The following RORA variants were observed in gnomAD, a reference collection of about 807,000 sequenced individuals.
The protein encoded by RORA is nuclear receptor ROR-alpha.
RORA carries 7 observed loss-of-function variants against 69.5 expected under a neutral mutation model. That is an observed-to-expected ratio of 0.10 (90% confidence interval 0.06 to 0.19). The LOEUF (loss-of-function observed/expected upper bound fraction) is 0.19. Ranked by LOEUF, RORA falls within the 10% of genes least tolerant of loss-of-function variation. RORA has a pLI of 1.00. For synonymous variants in RORA, 261 were observed against 240.8 expected, an observed-to-expected ratio of 1.08 and a Z score of -0.78; for missense variants, 457 against 663.0, an observed-to-expected ratio of 0.69 and a Z score of 3.41.
At chr15:61,115,447 C>T (rs758290394) in intron 1 of RORA, among the ~76,000 whole-genome samples, 1 of 152,180 alleles carries the variant, frequency 6.6e-6, no homozygotes, top group Non-Finnish European at 1.5e-5. Flanking sequence ...GGCCACAGCC[C>T]TGCTTCTTCT....
chr15:60,922,292 C>T (rs1600826), intron 1 of RORA, among the ~76,000 whole-genome samples: 91,352 of 151,870 alleles, frequency 0.6, 27,913 homozygotes, highest in East Asian at 0.87. Flanking sequence ...GAAGGCACAA[C>T]ACCAAGAGTG....
intron 1 of RORA, among the ~76,000 whole-genome samples, chr15:60,940,677 C>T (rs1243151845): frequency 1.3e-5 from 2 of 152,140 alleles, no homozygotes; most frequent in African/African-American, 4.8e-5. Context: ...CCTGTAATCC[C>T]AGCAGTTTGG....
intron 1 of RORA, among the ~76,000 whole-genome samples, chr15:60,834,294 G>C (rs76174258): frequency 0.1 from 15,458 of 152,166 alleles, 1,108 homozygotes; most frequent in Non-Finnish European, 0.15. Context: ...GGTTTTAAAA[G>C]CTAAATGACT....
rs1467537919 is a variant in RORA at position 60,515,953 on chromosome 15, A to T, written c.283-1196T>A. On this transcript the variant is annotated intron_variant, in intron 3 of 10. Coordinates refer to ENST00000335670, the MANE Select transcript of RORA (RefSeq NM_134261.3). The stretch of plus-strand genomic sequence containing the variant: ...TATATATATATTTATATATATTTAT[A>T]TATTTATATTTATATATATTTATAT... Among the ~76,000 whole-genome samples the T allele has an allele frequency of 2.0e-3, 25 of 12,588 alleles. 3 individuals are homozygous for T. The highest frequency in any genetic ancestry group is 9.2e-3 in the African/African-American group (25 of 2,710). 8.3% of individuals were successfully genotyped at this position (12,588 alleles called of 152,430 possible).
chr15:60,863,170 G>T (rs1424977144), intron 1 of RORA, among the ~76,000 whole-genome samples: 1 of 152,232 alleles, frequency 6.6e-6, no homozygotes, highest in African/African-American at 2.4e-5. Flanking sequence ...AGATAATTGA[G>T]ATTCAGAAAG....
chr15:61,097,795 T>C (rs946506062), intron 1 of RORA, among the ~76,000 whole-genome samples: 1 of 152,168 alleles, frequency 6.6e-6, no homozygotes, highest in African/African-American at 2.4e-5. Context: ...TGATACACCA[T>C]TACTCTTCAT....
chr15:61,227,210 C>CCAA (rs2080153800), intron 1 of RORA, among the ~76,000 whole-genome samples: 1 of 124,090 alleles, frequency 8.1e-6, no homozygotes, highest in East Asian at 2.4e-4. Context: ...CCCCCCATTC[C>CCAA]AAAAAAAAAA....
At chr15:61,066,767 T>G (rs2078265916) in intron 1 of RORA, among the ~76,000 whole-genome samples, 1 of 150,864 alleles carries the variant, frequency 6.6e-6, no homozygotes, top group Non-Finnish European at 1.5e-5. Flanking sequence ...TTTCAAGAAG[T>G]TCCAGCTCTT....
intron 2 of RORA, among the ~76,000 whole-genome samples, chr15:60,646,423 T>A (rs949282821): frequency 6.6e-6 from 1 of 152,180 alleles, no homozygotes. Flanking sequence ...TAGGATCACA[T>A]GACTTTGAAC....
chr15:60,956,804 T>C (rs1566924610), intron 1 of RORA, among the ~76,000 whole-genome samples: 1 of 152,214 alleles, frequency 6.6e-6, no homozygotes, highest in Non-Finnish European at 1.5e-5. Flanking sequence ...TCCTTTCAAT[T>C]ATCAGTACAT....
intron 1 of RORA, among the ~76,000 whole-genome samples, chr15:60,783,798 A>G (rs2072296590): frequency 6.6e-6 from 1 of 152,214 alleles, no homozygotes; most frequent in Non-Finnish European, 1.5e-5. Context: ...GGCCTGAGAA[A>G]ACTTTAAATG....
intron 1 of RORA, among the ~76,000 whole-genome samples, chr15:60,759,003 C>G (rs922838859): frequency 1.3e-5 from 2 of 152,212 alleles, no homozygotes; most frequent in South Asian, 4.1e-4. Flanking sequence ...AGGCTCAAAC[C>G]GTTCTTCAGA....
chr15:60,956,049 T>C (rs1447805090), intron 1 of RORA, among the ~76,000 whole-genome samples: 1 of 152,222 alleles, frequency 6.6e-6, no homozygotes, highest in Non-Finnish European at 1.5e-5. Flanking sequence ...GTTTCCTTTC[T>C]GGTTAGATAA....
intron 1 of RORA, among the ~76,000 whole-genome samples, chr15:61,132,581 A>G (rs2079200672): frequency 6.6e-6 from 1 of 152,222 alleles, no homozygotes; most frequent in African/African-American, 2.4e-5. Flanking sequence ...TCAATATGCT[A>G]TAATTCCAGT....
At chr15:61,040,140 A>G (rs1896679936) in intron 1 of RORA, among the ~76,000 whole-genome samples, 2 of 118,170 alleles carry the variant, frequency 1.7e-5, no homozygotes, top group African/African-American at 3.1e-5. Flanking sequence ...ATATATATAT[A>G]TATATATATA....
At chr15:61,080,202 C>A (rs1354897955) in intron 1 of RORA, among the ~76,000 whole-genome samples, 1 of 152,176 alleles carries the variant, frequency 6.6e-6, no homozygotes, top group African/African-American at 2.4e-5. Context: ...TACCTCCAAA[C>A]CCCATGCAAA....
chr15:60,755,810 C>G (rs1395798768), intron 1 of RORA, among the ~76,000 whole-genome samples: 2 of 152,190 alleles, frequency 1.3e-5, no homozygotes, highest in East Asian at 3.9e-4. Flanking sequence ...TGTTCCCTCT[C>G]TTGTTCTTGC....
At chr15:60,934,488 GTTGTTGTTGTTTGT>G (rs1455420084) in intron 1 of RORA, among the ~76,000 whole-genome samples, 11 of 151,708 alleles carry the variant, frequency 7.3e-5, no homozygotes, top group African/African-American at 2.2e-4. Flanking sequence ...TGTTGTTGTT[GTTGTTGTTGTTTGT>G]TTGTTTGTTT....
chr15:61,049,706 C>G (rs573498899), intron 1 of RORA, among the ~76,000 whole-genome samples: 1 of 152,138 alleles, frequency 6.6e-6, no homozygotes, highest in Non-Finnish European at 1.5e-5. Flanking sequence ...GTCGCCTAGG[C>G]TGGAGTGCAA....
Sources: gnomAD v4.1 joint callset for allele counts (sites outside exome capture counted in the v4.1 genomes callset) on GRCh38, gnomAD v4.1.1 for gene constraint, MANE v1.5 for transcripts, NCBI Gene and HGNC (gene_info 2026-07-23, HGNC 2026-07-21) for gene names.